BRSK1: variants seen among roughly 807,000 people sequenced by gnomAD.
The protein encoded by BRSK1 is BR serine/threonine kinase 1, also known as serine/threonine-protein kinase BRSK1.
A neutral mutation model predicts 86.2 loss-of-function variants in BRSK1; 17 were observed. That is an observed-to-expected ratio of 0.20 (90% CI 0.14 to 0.30). The LOEUF (loss-of-function observed/expected upper bound fraction) is 0.30. BRSK1 is among the 10% of genes least tolerant of loss of function. The pLI is 1.00. For synonymous variants in BRSK1, 464 were observed against 440.1 expected, an observed-to-expected ratio of 1.05 and a Z score of -0.68; for missense variants, 719 against 1,071.9, an observed-to-expected ratio of 0.67 and a Z score of 4.60.
chr19:55,304,732 G>T lies in BRSK1; in HGVS notation c.1529G>T (p.Arg510Leu), dbSNP rs751535819. 4 of 1,520,968 alleles carry T rather than the reference G, an allele frequency of 2.6e-6. No homozygotes were observed. In the African/African-American group the frequency reaches 5.6e-5, roughly 21 times the overall value. The allele number at this position is 1,520,968 out of a possible 1,614,324, so 94.2% of individuals were successfully genotyped here. ...CTGCCCGGCCCCCCAGGCTCCCCGC[G>T]CTCCTCTGGCGGGACCCCCTTGCAC... ...TPLPGPPGSP[R>L]SSGGTPLHSP... Residue 510 changes from arginine (R) to leucine (L), a missense_variant, in exon 14 of 19, where the codon CGC becomes CTC. Physicochemically the swap from Arg to Leu is moderately radical, Grantham distance 102. Around this residue, in one of 6 missense-constraint regions of BRSK1, gnomAD observed 143 missense variants for 120.1 expected, o/e 1.19. Coordinates refer to ENST00000309383, the MANE Select transcript of BRSK1 (RefSeq NM_032430.2). This position sits in a 1 kb window ranked among gnomAD's most constrained non-coding sequence, Gnocchi z 5.2.
At chr19:55,311,377 C>A (rs1018185577) in intron 18 of BRSK1, among the ~76,000 whole-genome samples, 3 of 152,132 alleles carry the variant, frequency 2.0e-5, no homozygotes, top group African/African-American at 7.2e-5. Flanking sequence ...CACCTCAGTC[C>A]CCAAGAGGAG....
At position 55,287,149 on chromosome 19, in the gene BRSK1, G is replaced by T. The variant is rs764723300; in HGVS notation, c.231+48G>T. ...GCCTGCGGGTGGGGGGGCCTCCGGG[G>T]CTGAGGGCAGGGGCGGGGCCGTGCT... On this transcript the variant is annotated intron_variant, in intron 2 of 18. Coordinates refer to ENST00000309383, the MANE Select transcript of BRSK1 (RefSeq NM_032430.2). This position sits in a 1 kb window ranked among gnomAD's most constrained non-coding sequence, Gnocchi z 5.3. The T allele has an allele frequency of 6.2e-7, 1 of 1,610,264 alleles. No homozygotes were observed. The highest frequency in any genetic ancestry group is 1.1e-5 in the South Asian group (1 of 90,982).
Position 55,304,201 on chromosome 19 carries a change from A to T in BRSK1, c.1347+91A>T. The T allele has an allele frequency of 7.5e-7, 1 of 1,327,824 alleles. No individual in the cohort carries two copies. The highest frequency in any genetic ancestry group is 1.0e-6 in the Non-Finnish European group (1 of 964,192). 82.3% of individuals were successfully genotyped at this position (1,327,824 alleles called of 1,614,324 possible). A position where few individuals can be genotyped will look rare whatever the true frequency, so the allele number is the denominator to read the frequency against. The stretch of plus-strand genomic sequence containing the variant: ...GTAGCAGAAACTACAATTCCTGTGC[A>T]GTCTTGAGACTTGCTTCTTTGTCCC... On this transcript the variant is annotated intron_variant, in intron 13 of 18. Coordinates refer to ENST00000309383, the MANE Select transcript of BRSK1 (RefSeq NM_032430.2). The surrounding 1 kb of genome is among the most constrained non-coding windows in gnomAD (Gnocchi z 5.2).
Position 55,306,481 on chromosome 19 carries a change from C to T in BRSK1, c.2089+31C>T. 6.2e-7 allele frequency: 1 copy of T among 1,606,470 alleles called. No homozygotes were observed. Among genetic ancestry groups the T allele is most frequent in the Non-Finnish European group, 8.5e-7 (1 of 1,178,226 alleles). Reference sequence around the variant, plus strand: ...TCTCTTGGCTAGGCTGCCTGCAGCCCAGTGCTGGGACTGTTCACGACAGCT... The same window carrying T: ...TCTCTTGGCTAGGCTGCCTGCAGCCTAGTGCTGGGACTGTTCACGACAGCT... On this transcript the variant is annotated intron_variant, in intron 17 of 18. Coordinates refer to ENST00000309383, the MANE Select transcript of BRSK1 (RefSeq NM_032430.2). This position sits in a 1 kb window ranked among gnomAD's most constrained non-coding sequence, Gnocchi z 4.7.
At chr19:55,285,784 G>A (rs1490374368) in intron 1 of BRSK1, among the ~76,000 whole-genome samples, 1 of 152,146 alleles carries the variant, frequency 6.6e-6, no homozygotes, top group Non-Finnish European at 1.5e-5. Context: ...ATGAAGCTCA[G>A]GGCCAGAGCT....
Position 55,303,001 on chromosome 19 carries a change from G to T in BRSK1, c.1028+134G>T. On this transcript the variant is annotated intron_variant, in intron 10 of 18. Coordinates refer to ENST00000309383, the MANE Select transcript of BRSK1 (RefSeq NM_032430.2). The surrounding 1 kb of genome is among the most constrained non-coding windows in gnomAD (Gnocchi z 5.1). ...TGGTTTGAAGCTCCCGCCTGGGAGT[G>T]ATGGAACCAGCGGAGAAAACGGCCC... 1 of 1,233,110 alleles carries T rather than the reference G, an allele frequency of 8.1e-7. No individual in the cohort carries two copies. Among genetic ancestry groups the T allele is most frequent in the Non-Finnish European group, 1.1e-6 (1 of 901,892 alleles). The allele number at this position is 1,233,110 out of a possible 1,614,324, so 76.4% of individuals were successfully genotyped here. A position where few individuals can be genotyped will look rare whatever the true frequency, so the allele number is the denominator to read the frequency against.
chr19:55,290,215 C>G (rs1017016890), intron 4 of BRSK1, among the ~76,000 whole-genome samples: 1 of 152,124 alleles, frequency 6.6e-6, no homozygotes, highest in Admixed American at 6.6e-5. Context: ...AGGCTGGTCT[C>G]GAACTCTTGA....
Position 55,304,670 on chromosome 19 carries a change from G to A in BRSK1, c.1467G>A (p.Gly489=). 6.7e-7 allele frequency: 1 copy of A among 1,490,316 alleles called. No homozygotes were observed. Among genetic ancestry groups the A allele is most frequent in the Non-Finnish European group, 8.9e-7 (1 of 1,127,404 alleles). The allele number at this position is 1,490,316 out of a possible 1,614,324, so 92.3% of individuals were successfully genotyped here. ...GGGGCCCCAGGGGTGGGGGCGCCGG[G>A]GAGCAGCCCCCGCCCCCCAGTGCCC... The part of the protein sequence containing the change: ...PSRGPRGGGA[G]EQPPPPSARS... Residue 489 remains glycine (G), a synonymous_variant, in exon 14 of 19, where the codon GGG becomes GGA. Coordinates refer to ENST00000309383, the MANE Select transcript of BRSK1 (RefSeq NM_032430.2). The surrounding 1 kb of genome is among the most constrained non-coding windows in gnomAD (Gnocchi z 5.2).
Position 55,302,974 on chromosome 19 carries a change from C to T in BRSK1, c.1028+107C>T. 7.0e-7 allele frequency: 1 copy of T among 1,437,906 alleles called. No individual in the cohort carries two copies. Among genetic ancestry groups the T allele is most frequent in the Non-Finnish European group, 9.3e-7 (1 of 1,074,112 alleles). 89.1% of individuals were successfully genotyped at this position (1,437,906 alleles called of 1,614,324 possible). On this transcript the variant is annotated intron_variant, in intron 10 of 18. Transcript: ENST00000309383. The surrounding 1 kb of genome is among the most constrained non-coding windows in gnomAD (Gnocchi z 6.3). ...CGAGGAACCCTGGCCTCTCATGGGG[C>T]ATGGTTTGAAGCTCCCGCCTGGGAG...
At chr19:55,288,579 G>T (rs118001432) in intron 3 of BRSK1, among the ~76,000 whole-genome samples, 3,443 of 151,848 alleles carry the variant, frequency 0.023, 53 homozygotes, top group Middle Eastern at 0.034. Flanking sequence ...GAGTTTGGGG[G>T]TTTTTTTGTT....
Position 55,293,501 on chromosome 19 carries a change from C to CAATAAATA in BRSK1, c.459-494_459-487dup, listed in dbSNP as rs547605694. Reference sequence around the variant, plus strand: ...TGGGTGATAGAATGAGACTCCATCTCAATAAATAAATAAATAAATAAATAA... The same window carrying CAATAAATA: ...TGGGTGATAGAATGAGACTCCATCTCAATAAATAAATAAATAAATAAATAAATAAATAA... On this transcript the variant is annotated intron_variant, in intron 4 of 18. Transcript: ENST00000309383. 5.6e-4 allele frequency among the ~76,000 whole-genome samples: 83 copies of CAATAAATA among 148,544 alleles called. 1 individual carries two copies. The highest frequency in any genetic ancestry group is 5.2e-4 in the African/African-American group (21 of 40,112).
intron 8 of BRSK1, 22 bp downstream of exon 8, chr19:55,301,680 C>T (rs2088570740): frequency 6.2e-7 from 1 of 1,604,160 alleles, no homozygotes; most frequent in Non-Finnish European, 8.5e-7. Flanking sequence ...GGGGGACCGG[C>T]GGAGGGGGGA....
rs889233612 is a variant in BRSK1 at position 55,310,681 on chromosome 19, GC to G, written c.2180-1224del. On this transcript the variant is annotated intron_variant, in intron 18 of 18. Coordinates refer to ENST00000309383, the MANE Select transcript of BRSK1 (RefSeq NM_032430.2). The surrounding 1 kb of genome is among the most constrained non-coding windows in gnomAD (Gnocchi z 5.0). ...AAAACACCCTACAATTCACAGAACAGCCCCCCACGACAGCTGGGTCCCAAAT... is the reference window on the plus strand; with the variant it reads ...AAAACACCCTACAATTCACAGAACAGCCCCCACGACAGCTGGGTCCCAAAT... 6.6e-6 allele frequency among the ~76,000 whole-genome samples: 1 copy of G among 152,136 alleles called. No homozygotes were observed. The highest frequency in any genetic ancestry group is 2.4e-5 in the African/African-American group (1 of 41,418).
chr19:55,299,645 C>A (rs2088542343), intron 7 of BRSK1, among the ~76,000 whole-genome samples: 1 of 152,122 alleles, frequency 6.6e-6, no homozygotes, highest in Non-Finnish European at 1.5e-5. Flanking sequence ...CTTGGCCTCC[C>A]AAAGTGCTAG....
At chr19:55,299,153 T>G (rs575280844) in intron 7 of BRSK1, among the ~76,000 whole-genome samples, 18 of 151,958 alleles carry the variant, frequency 1.2e-4, no homozygotes, top group African/African-American at 4.1e-4. Flanking sequence ...TCCGTCTCAA[T>G]AAAAAAAGAA....
chr19:55,298,493 A>G (rs945559931), intron 7 of BRSK1, among the ~76,000 whole-genome samples: 10 of 152,042 alleles, frequency 6.6e-5, no homozygotes, highest in African/African-American at 1.9e-4. Context: ...TCTTGTTCCA[A>G]TAGTTCCTCA....
Position 55,306,204 on chromosome 19 carries a change from G to A in BRSK1, c.1891-48G>A. The A allele has an allele frequency of 1.3e-6, 2 of 1,595,556 alleles. No homozygotes were observed. Among genetic ancestry groups the A allele is most frequent in the South Asian group, 1.1e-5 (1 of 90,468 alleles). ...TGGCCAGAGCTGGTCGTGGGGCTGGGTATCCATTTCCTGGGCTCACCCCTT... is the reference window on the plus strand; with the variant it reads ...TGGCCAGAGCTGGTCGTGGGGCTGGATATCCATTTCCTGGGCTCACCCCTT... On this transcript the variant is annotated intron_variant, in intron 16 of 18. Coordinates refer to ENST00000309383, the MANE Select transcript of BRSK1 (RefSeq NM_032430.2). The surrounding 1 kb of genome is among the most constrained non-coding windows in gnomAD (Gnocchi z 4.7).
At position 55,303,364 on chromosome 19, in the gene BRSK1, A is replaced by T. The variant is rs764470568; in HGVS notation, c.1082A>T (p.Tyr361Phe). ...CTGCTTTTGGATCGGAAGGAGCGGT[A>T]TCCCAGCTGTGAGGACCAGGACCTG... ...YYLLLDRKER[Y>F]PSCEDQDLPP... The change falls in exon 11 of 19, where the codon TAT (tyrosine) becomes TTT (phenylalanine). Residue 361 changes from tyrosine (Y) to phenylalanine (F), a missense_variant. Around this residue, in one of 6 missense-constraint regions of BRSK1, gnomAD observed 168 missense variants for 246.3 expected, o/e 0.68. Coordinates refer to ENST00000309383, the MANE Select transcript of BRSK1 (RefSeq NM_032430.2). This position sits in a 1 kb window ranked among gnomAD's most constrained non-coding sequence, Gnocchi z 5.1. 6.2e-7 allele frequency: 1 copy of T among 1,614,020 alleles called. No homozygotes were observed. Among genetic ancestry groups the T allele is most frequent in the South Asian group, 1.1e-5 (1 of 91,078 alleles).
At position 55,286,003 on chromosome 19, in the gene BRSK1, TG is replaced by T. The variant is rs1273495899; in HGVS notation, c.137-999del. 6.4e-5 allele frequency among the ~76,000 whole-genome samples: 6 copies of T among 93,064 alleles called. No homozygotes were observed. In the East Asian group the frequency reaches 9.8e-4, roughly 15 times the overall value. 61.1% of individuals were successfully genotyped at this position (93,064 alleles called of 152,430 possible). A position where few individuals can be genotyped will look rare whatever the true frequency, so the allele number is the denominator to read the frequency against. On this transcript the variant is annotated intron_variant, in intron 1 of 18. Transcript: ENST00000309383. Reference sequence around the variant, plus strand: ...GTGCTGGGTCTGAGGGAGGAGGAACTGGGGGTCTGGAGTGCTGAGTCTAAGG... The same window carrying T: ...GTGCTGGGTCTGAGGGAGGAGGAACTGGGGTCTGGAGTGCTGAGTCTAAGG...
Sources: gnomAD v4.1 joint callset for allele counts (sites outside exome capture counted in the v4.1 genomes callset) on GRCh38, gnomAD v4.1.1 for gene constraint, gnomAD v4.1.1 regional missense constraint, Gnocchi (gnomAD v3.1) non-coding constraint, MANE v1.5 for transcripts, NCBI Gene and HGNC (gene_info 2026-07-23, HGNC 2026-07-21) for gene names.